Variants in FOLH1 observed in about 807,000 individuals in gnomAD.
The protein encoded by FOLH1 is glutamate carboxypeptidase 2.
Under a neutral mutation model 93.9 loss-of-function variants are expected in FOLH1, and 54 were observed. The observed-to-expected ratio is 0.57, with a 90% CI of 0.46 to 0.72. The LOEUF (loss-of-function observed/expected upper bound fraction) is 0.72. Among genes scored for constraint, FOLH1 ranks in the 30% least tolerant of loss-of-function variants. The pLI is 0.00. For synonymous variants in FOLH1, 249 were observed against 303.6 expected, an observed-to-expected ratio of 0.82 and a Z score of 1.87; for missense variants, 571 against 892.5, an observed-to-expected ratio of 0.64 and a Z score of 4.59.
At chr11:49,147,049 G>T in intron 18 of FOLH1, 104 bp from the exon 19 acceptor site, 1 of 1,113,572 alleles carries the variant, frequency 9.0e-7, no homozygotes, top group Non-Finnish European at 1.3e-6. Context: ...ATAACAATTT[G>T]AACAAGCCAC....
intron 16 of FOLH1, 135 bp downstream of exon 16, chr11:49,154,093 C>T: frequency 7.2e-7 from 1 of 1,388,708 alleles, no homozygotes; most frequent in Admixed American, 2.4e-5. Context: ...ATGGAAAATA[C>T]ATTTATAGAC....
rs115464532 is a variant in FOLH1 at position 49,147,734 on chromosome 11, C to T, written c.2064-789G>A. On this transcript the variant is annotated intron_variant, in intron 18 of 18. Coordinates refer to ENST00000256999, the MANE Select transcript of FOLH1 (RefSeq NM_004476.3). Reference sequence around the variant, plus strand: ...AGGCCAGGAGTTCTAGACGAGCCTGCGCAACATAGGGACACCCTGTCGCTA... The same window carrying T: ...AGGCCAGGAGTTCTAGACGAGCCTGTGCAACATAGGGACACCCTGTCGCTA... Among the ~76,000 whole-genome samples, 1,095 of 152,038 alleles carry T rather than the reference C, an allele frequency of 7.2e-3. 19 individuals carry two copies. The highest frequency in any genetic ancestry group is 0.025 in the African/African-American group (1,041 of 41,462).
chr11:49,190,580 C>T (rs1385387533), intron 4 of FOLH1, among the ~76,000 whole-genome samples: 1 of 152,278 alleles, frequency 6.6e-6, no homozygotes, highest in African/African-American at 2.4e-5. Context: ...AACAATATCA[C>T]GCTTGTTACA....
intron 3 of FOLH1, among the ~76,000 whole-genome samples, chr11:49,198,405 C>T (rs1429805581): frequency 6.6e-6 from 1 of 151,416 alleles, no homozygotes; most frequent in East Asian, 1.9e-4. Context: ...TGGTGTGAAC[C>T]CGGGAGGCGG....
At position 49,169,198 on chromosome 11, in the gene FOLH1, C is replaced by A; in HGVS notation, c.1369G>T (p.Glu457Ter). 1 of 1,613,034 alleles carries A rather than the reference C, an allele frequency of 6.2e-7. No homozygotes were observed. The highest frequency in any genetic ancestry group is 1.3e-5 in the African/African-American group (1 of 74,994). Reference protein sequence around the residue: ...VAYINADSSIEGNYTLRVDCT... With the variant: ...VAYINADSSI ...TTATGAGACCAACGATATTCACCTT[C>A]TATAGATGAGTCAGCATTAATATAA... Residue 457 changes from glutamate (E) to a stop codon, truncating the protein, a stop_gained, in exon 12 of 19, where the codon GAA (glutamate) becomes TAA (stop). Coordinates refer to ENST00000256999, the MANE Select transcript of FOLH1 (RefSeq NM_004476.3). LOFTEE classifies it high-confidence loss of function.
At chr11:49,206,770 C>T (rs1421134406) in intron 1 of FOLH1, 2 of 1,535,804 alleles carry the variant, frequency 1.3e-6, no homozygotes, top group East Asian at 2.4e-5. Context: ...AATGAAACTA[C>T]AATTTACCCA....
In FOLH1 at chr11:49,208,417, C is replaced by G. The variant is rs765934623; in HGVS notation, c.-8G>C. 1.9e-6 allele frequency: 3 copies of G among 1,581,628 alleles called. No homozygotes were observed. Among genetic ancestry groups the G allele is most frequent in the Non-Finnish European group, 2.6e-6 (3 of 1,160,326 alleles). On this transcript the variant is annotated 5_prime_UTR_variant, in exon 1 of 19. Transcript: ENST00000256999. ...GTGAAGGAGATTCCACATCTCGGCG[C>G]GAGCAGAGCCGGCCTCCCGGGACCC...
chr11:49,202,032 T>C (rs192337098), intron 2 of FOLH1, among the ~76,000 whole-genome samples: 4 of 152,294 alleles, frequency 2.6e-5, no homozygotes, highest in East Asian at 1.9e-4. Flanking sequence ...AAAAGATCCA[T>C]TGCAAACACT....
intron 3 of FOLH1, among the ~76,000 whole-genome samples, chr11:49,195,454 A>G (rs202699): frequency 0.36 from 54,261 of 151,780 alleles, 10,760 homozygotes; most frequent in African/African-American, 0.54. Flanking sequence ...AATACTCATA[A>G]TAGAAATGAA....
At chr11:49,193,406 C>T (rs1389148479) in intron 3 of FOLH1, among the ~76,000 whole-genome samples, 6 of 152,122 alleles carry the variant, frequency 3.9e-5, no homozygotes, top group Admixed American at 6.5e-5. Flanking sequence ...CTTGAGAGAA[C>T]TTGTAAGGAC....
rs1343919242 is a variant in FOLH1, at chr11:49,208,480, A to T, written c.-71T>A. 9.5e-7 allele frequency: 1 copy of T among 1,049,932 alleles called. No homozygotes were observed. Among genetic ancestry groups the T allele is most frequent in the Non-Finnish European group, 1.4e-6 (1 of 716,658 alleles). The allele number at this position is 1,049,932 out of a possible 1,614,324, so 65.0% of individuals were successfully genotyped here. A position where few individuals can be genotyped will look rare whatever the true frequency, so the allele number is the denominator to read the frequency against. Reference sequence around the variant, plus strand: ...CTGCTCTACTGCGCGCCCTCCAACCACCACGGCGGGGTAAAGTCTCTCTCA... The same window carrying T: ...CTGCTCTACTGCGCGCCCTCCAACCTCCACGGCGGGGTAAAGTCTCTCTCA... On this transcript the variant is annotated 5_prime_UTR_variant, in exon 1 of 19. Transcript: ENST00000256999.
intron 8 of FOLH1, among the ~76,000 whole-genome samples, chr11:49,175,205 T>C (rs369652159): frequency 6.6e-6 from 1 of 152,248 alleles, no homozygotes; most frequent in South Asian, 2.1e-4. Flanking sequence ...AAAGTTTAAC[T>C]AGCACCCTCT....
rs746442269 is a variant in FOLH1, at chr11:49,153,940, T to C, written c.1889-13A>G. On this transcript the variant is annotated splice_polypyrimidine_tract_variant and intron_variant, in intron 16 of 18. Transcript: ENST00000256999. ...GAAAAAAGTGAATCTGAAATAGAAA[T>C]TGGGATCATCAAATGCTTAAAGAAC... 8 of 1,591,792 alleles carry C rather than the reference T, an allele frequency of 5.0e-6. No individual in the cohort carries two copies. The East Asian group carries it at 1.3e-4, about 27-fold the overall frequency.
intron 12 of FOLH1, among the ~76,000 whole-genome samples, chr11:49,168,719 C>T (rs1461099389): frequency 1.2e-4 from 18 of 152,224 alleles, no homozygotes; most frequent in Non-Finnish European, 1.5e-5. Context: ...GATCCACCCG[C>T]TTCAGCCTCC....
intron 15 of FOLH1, among the ~76,000 whole-genome samples, chr11:49,156,454 C>G (rs560389795): frequency 6.6e-6 from 1 of 152,070 alleles, no homozygotes; most frequent in Non-Finnish European, 1.5e-5. Flanking sequence ...CCAAATGAAA[C>G]AGAAAATATG....
intron 12 of FOLH1, among the ~76,000 whole-genome samples, chr11:49,166,014 A>C (rs1294882460): frequency 6.6e-6 from 1 of 152,188 alleles, no homozygotes; most frequent in South Asian, 2.1e-4. Context: ...TATACCAAAA[A>C]AGCATGCAAA....
chr11:49,196,701 C>T (rs1481563020), intron 3 of FOLH1, among the ~76,000 whole-genome samples: 1 of 152,024 alleles, frequency 6.6e-6, no homozygotes, highest in Non-Finnish European at 1.5e-5. Context: ...AATATAAATC[C>T]ATACAGCAAA....
intron 3 of FOLH1, among the ~76,000 whole-genome samples, chr11:49,196,442 TA>T (rs1374642188): frequency 1.4e-4 from 22 of 152,062 alleles, no homozygotes; most frequent in Non-Finnish European, 2.8e-4. Context: ...CAGAAAATAT[TA>T]AAAACCCAAC....
At chr11:49,191,016 A>G (rs948976714) in intron 4 of FOLH1, among the ~76,000 whole-genome samples, 8 of 152,232 alleles carry the variant, frequency 5.3e-5, no homozygotes, top group Non-Finnish European at 8.8e-5. Context: ...AAGATTATGT[A>G]TACAAAAACA....
Sources: allele counts gnomAD v4.1 joint callset (sites outside exome capture counted in the v4.1 genomes callset), GRCh38; gene constraint gnomAD v4.1.1; transcripts MANE v1.5; gene names NCBI Gene and HGNC (gene_info 2026-07-23, HGNC 2026-07-21).